The following STK4 variants were observed in gnomAD, a reference collection of about 807,000 sequenced individuals.
STK4 encodes the protein serine/threonine-protein kinase 4.
Under a neutral mutation model 64.9 loss-of-function variants are expected in STK4, and 30 were observed. The ratio of observed to expected loss-of-function variants is 0.46; its 90% CI spans 0.35 to 0.63. The LOEUF is 0.63. Ranked by LOEUF, STK4 falls within the 20% of genes least tolerant of loss-of-function variation. The probability of loss-of-function intolerance (pLI) is 0.01; values close to 1 mark genes in which losing one functional copy is unlikely to be tolerated. For synonymous variants in STK4, 177 were observed against 199.0 expected (o/e 0.89, Z 0.93); for missense variants, 466 against 598.5 (o/e 0.78, Z 2.31).
At chr20:45,063,362 A>G (rs1247025570) in intron 10 of STK4, among the ~76,000 whole-genome samples, 1 of 152,026 alleles carries the variant, frequency 6.6e-6, no homozygotes. Context: ...CACTTTGAAT[A>G]TGCTTGTTGG....
intron 10 of STK4, among the ~76,000 whole-genome samples, chr20:45,040,847 T>A (rs780423914): frequency 2.6e-4 from 39 of 152,160 alleles, no homozygotes; most frequent in Non-Finnish European, 1.2e-4. Flanking sequence ...TTAACCACTT[T>A]CATCCCACAT....
Position 44,988,533 on chromosome 20 carries a change from GTATATATATATA to G in STK4, c.525+1261_525+1272del, listed in dbSNP as rs71197589. On this transcript the variant is annotated intron_variant, in intron 5 of 10. Coordinates refer to ENST00000372806, the MANE Select transcript of STK4 (RefSeq NM_006282.5). ...TGTGTGTGTATATATATGTGTGTGT[GTATATATATATA>G]TATATATATATATATATATATATGT... is the stretch of plus-strand genomic sequence containing the variant. Among the ~76,000 whole-genome samples, 233 of 101,584 alleles carry G rather than the reference GTATATATATATA, an allele frequency of 2.3e-3. 9 individuals carry two copies. Among genetic ancestry groups the G allele is most frequent in the African/African-American group, 9.8e-3 (207 of 21,038 alleles). 66.6% of individuals were successfully genotyped at this position (101,584 alleles called of 152,430 possible).
intron 9 of STK4, 140 bp downstream of exon 9, chr20:45,001,493 G>T: frequency 9.4e-7 from 1 of 1,059,922 alleles, no homozygotes. Context: ...TTGGAAGTTT[G>T]CGATGGGGAC....
chr20:45,047,611 T>C (rs538199634), intron 10 of STK4, among the ~76,000 whole-genome samples: 1 of 152,376 alleles, frequency 6.6e-6, no homozygotes, highest in South Asian at 2.1e-4. Flanking sequence ...AATTGGACTA[T>C]AATTTCATAG....
chr20:45,046,067 A>G (rs926680130), intron 10 of STK4, among the ~76,000 whole-genome samples: 2 of 152,196 alleles, frequency 1.3e-5, no homozygotes, highest in Non-Finnish European at 2.9e-5. Context: ...TCCGCCTCCC[A>G]AAGTGCTGGG....
chr20:45,017,659 A>G (rs1448807043), intron 9 of STK4, among the ~76,000 whole-genome samples: 1 of 152,212 alleles, frequency 6.6e-6, no homozygotes, highest in African/African-American at 2.4e-5. Flanking sequence ...ATGGAGTTTC[A>G]AAAGACTGTA....
intron 10 of STK4, among the ~76,000 whole-genome samples, chr20:45,061,419 A>G (rs946264650): frequency 6.6e-6 from 1 of 152,176 alleles, no homozygotes; most frequent in African/African-American, 2.4e-5. Context: ...TAGTATGAGG[A>G]AACCTTGTGC....
chr20:45,040,018 C>G (rs2145416651), intron 10 of STK4, among the ~76,000 whole-genome samples: 1 of 150,432 alleles, frequency 6.6e-6, no homozygotes, highest in South Asian at 2.1e-4. Context: ...AATTGCTGAT[C>G]TAGAAGCTTG....
At chr20:45,063,493 C>T (rs1979280172) in intron 10 of STK4, among the ~76,000 whole-genome samples, 1 of 152,118 alleles carries the variant, frequency 6.6e-6, no homozygotes, top group Non-Finnish European at 1.5e-5. Flanking sequence ...GATATTAGAT[C>T]TTTGTTGGAT....
intron 10 of STK4, among the ~76,000 whole-genome samples, chr20:45,052,380 CT>C (rs1286588793): frequency 6.6e-6 from 1 of 152,032 alleles, no homozygotes; most frequent in Non-Finnish European, 1.5e-5. Context: ...CATAATAAAT[CT>C]TGATTTTTTT....
chr20:44,982,502 A>G (rs116032581), intron 4 of STK4, among the ~76,000 whole-genome samples: 2,147 of 152,176 alleles, frequency 0.014, 39 homozygotes, highest in African/African-American at 0.043. Context: ...TCTTACTGGG[A>G]AGAAAATGAC....
chr20:45,054,165 A>G (rs1224817659), intron 10 of STK4, among the ~76,000 whole-genome samples: 1 of 152,166 alleles, frequency 6.6e-6, no homozygotes, highest in African/African-American at 2.4e-5. Flanking sequence ...CCCCGCATAT[A>G]GGCTTTACTG....
intron 10 of STK4, among the ~76,000 whole-genome samples, chr20:45,054,973 C>T (rs1978344678): frequency 6.6e-6 from 1 of 152,050 alleles, no homozygotes; most frequent in Admixed American, 6.5e-5. Flanking sequence ...ATAGGACTAC[C>T]CTTGGTATTC....
At chr20:45,003,094 A>T (rs1403836240) in intron 9 of STK4, among the ~76,000 whole-genome samples, 2 of 152,060 alleles carry the variant, frequency 1.3e-5, no homozygotes, top group Non-Finnish European at 2.9e-5. Context: ...TGTAACCTTG[A>T]TCTCCTGGGC....
chr20:45,021,628 T>C (rs2068249940), intron 9 of STK4, among the ~76,000 whole-genome samples: 1 of 152,378 alleles, frequency 6.6e-6, no homozygotes, highest in South Asian at 2.1e-4. Context: ...CTCTAGACGA[T>C]ATCTTTATTA....
chr20:44,985,969 G>T (rs188192194), intron 4 of STK4, among the ~76,000 whole-genome samples: 5 of 152,294 alleles, frequency 3.3e-5, no homozygotes, highest in Admixed American at 2.0e-4. Context: ...GTTTGTTTAG[G>T]ACTGGTGTTG....
intron 10 of STK4, among the ~76,000 whole-genome samples, chr20:45,044,850 C>T (rs976003580): frequency 1.3e-5 from 2 of 152,100 alleles, no homozygotes; most frequent in Admixed American, 6.6e-5. Flanking sequence ...AGTTTGTGAT[C>T]TGTAAAAATT....
chr20:45,023,634 A>G (rs765942131), intron 9 of STK4, among the ~76,000 whole-genome samples: 1 of 152,222 alleles, frequency 6.6e-6, no homozygotes, highest in Non-Finnish European at 1.5e-5. Flanking sequence ...AAACAGGTAC[A>G]TTCAGCTAGT....
chr20:45,003,289 A>G (rs916971793), intron 9 of STK4, among the ~76,000 whole-genome samples: 2 of 152,058 alleles, frequency 1.3e-5, no homozygotes, highest in African/African-American at 4.8e-5. Context: ...GGTGTGAGCC[A>G]CCTCTCCTGG....
Sources: allele counts gnomAD v4.1 joint callset (sites outside exome capture counted in the v4.1 genomes callset), GRCh38; gene constraint gnomAD v4.1.1; transcripts MANE v1.5; gene names NCBI Gene and HGNC (gene_info 2026-07-23, HGNC 2026-07-21).